The following PLCZ1 variants were observed in gnomAD, a reference collection of about 807,000 sequenced individuals.
PLCZ1 encodes the protein 1-phosphatidylinositol 4,5-bisphosphate phosphodiesterase zeta-1.
PLCZ1 carries 64 observed loss-of-function variants against 76.8 expected under a neutral mutation model. That is an observed-to-expected ratio of 0.83 (90% CI 0.68 to 1.03). The LOEUF (loss-of-function observed/expected upper bound fraction) is 1.03. Ranked by LOEUF, PLCZ1 falls within the 50% of genes least tolerant of loss-of-function variation. The pLI, the probability that PLCZ1 is intolerant of heterozygous loss-of-function variation, is 0.00. For synonymous variants in PLCZ1, 248 were observed against 230.8 expected, an observed-to-expected ratio of 1.07 and a Z score of -0.68; for missense variants, 751 against 713.7, an observed-to-expected ratio of 1.05 and a Z score of -0.60.
chr12:18,696,689 T>C (rs908463007), intron 10 of PLCZ1, among the ~76,000 whole-genome samples: 2 of 152,172 alleles, frequency 1.3e-5, no homozygotes, highest in East Asian at 1.9e-4. Flanking sequence ...CAGAATCATA[T>C]GGAAGTCACA....
downstream of PLCZ1, among the ~76,000 whole-genome samples, chr12:18,678,179 CTA>C (rs889173423): frequency 2.2e-4 from 33 of 152,168 alleles, no homozygotes; most frequent in African/African-American, 7.2e-4. Flanking sequence ...AGGAAGGCTT[CTA>C]TCACCTGATC....
the PLCZ1 span, among the ~76,000 whole-genome samples, chr12:18,669,656 T>TC: frequency 0.018 from 2,667 of 150,048 alleles, 42 homozygotes; most frequent in Middle Eastern, 0.055. Context: ...CTCTGGTGTC[T>TC]CTTCCTCTCT....
intron 10 of PLCZ1, among the ~76,000 whole-genome samples, chr12:18,699,383 C>T (rs986336450): frequency 2.6e-5 from 4 of 152,186 alleles, no homozygotes; most frequent in African/African-American, 9.7e-5. Flanking sequence ...TCAGAGGTAT[C>T]GTTTAGAAAT....
At chr12:18,694,175 C>T in intron 12 of PLCZ1, 2 of 670,774 alleles carry the variant, frequency 3.0e-6, no homozygotes, top group Non-Finnish European at 5.2e-6. Context: ...GGGGAGTTGC[C>T]CAGAGGAATC....
At chr12:18,683,042 G>A (rs1312692075), downstream of PLCZ1, 2 of 596,754 alleles carry the variant, frequency 3.4e-6, no homozygotes, top group Non-Finnish European at 3.0e-6. Flanking sequence ...CGCCATGCTG[G>A]GTTAGGACCC....
intron 6 of PLCZ1, among the ~76,000 whole-genome samples, chr12:18,710,079 A>G (rs979316793): frequency 6.6e-6 from 1 of 151,192 alleles, no homozygotes; most frequent in Non-Finnish European, 1.5e-5. Flanking sequence ...GCTTTTTTAC[A>G]TACAGGATTA....
Position 18,730,469 on chromosome 12 carries a change from T to G in PLCZ1, c.135+5752A>C, listed in dbSNP as rs74746848. 9.3e-3 allele frequency among the ~76,000 whole-genome samples: 1,420 copies of G among 152,254 alleles called. 24 individuals carry two copies. Among genetic ancestry groups the G allele is most frequent in the African/African-American group, 0.033 (1,368 of 41,564 alleles). ...AGTTTATCATGATTATCAGCCTTGT[T>G]TATATGTAATTTATGCTTCTAAAGT... On this transcript the variant is annotated intron_variant, in intron 3 of 14. Coordinates refer to ENST00000266505, the MANE Select transcript of PLCZ1 (RefSeq NM_033123.4).
At chr12:18,682,652 C>T (rs999381684), downstream of PLCZ1, among the ~76,000 whole-genome samples, 7 of 152,058 alleles carry the variant, frequency 4.6e-5, no homozygotes, top group East Asian at 5.8e-4. Context: ...TTTATAGATA[C>T]GGAGTCTGAA....
chr12:18,700,508 C>T (rs1248710456), intron 9 of PLCZ1, among the ~76,000 whole-genome samples: 1 of 7,820 alleles, frequency 1.3e-4, no homozygotes, highest in Non-Finnish European at 5.1e-4. Context: ...TCAGAGCCAA[C>T]GTACAAAAAA....
At chr12:18,732,210 G>T (rs759958515) in intron 3 of PLCZ1, among the ~76,000 whole-genome samples, 1 of 152,062 alleles carries the variant, frequency 6.6e-6, no homozygotes, top group African/African-American at 2.4e-5. Flanking sequence ...AGAGAGCAGC[G>T]GTGCCATCAC....
chr12:18,659,681 A>G, the PLCZ1 span, among the ~76,000 whole-genome samples: 1 of 48,588 alleles, frequency 2.1e-5, no homozygotes, highest in Non-Finnish European at 5.1e-5. Context: ...TTTTTTTTTT[A>G]CTATTATTAT....
At chr12:18,655,998 C>T in the PLCZ1 span, among the ~76,000 whole-genome samples, 8 of 152,124 alleles carry the variant, frequency 5.3e-5, no homozygotes, top group Non-Finnish European at 1.0e-4. Flanking sequence ...TTAAAGTGGA[C>T]TTTAGCTAAT....
chr12:18,700,054 T>A, intron 9 of PLCZ1, 104 bp from the exon 10 acceptor site: 1 of 974,184 alleles, frequency 1.0e-6, no homozygotes, highest in Non-Finnish European at 1.6e-6. Context: ...TTTTCATCTT[T>A]TCATAAGATT....
chr12:18,685,808 C>T (rs1430773506), intron 13 of PLCZ1: 9 of 342,264 alleles, frequency 2.6e-5, no homozygotes, highest in Admixed American at 9.0e-5. Flanking sequence ...TCCCTTCCAT[C>T]CTCCTCCTGT....
At chr12:18,720,529 T>C (rs1958378628) in intron 4 of PLCZ1, among the ~76,000 whole-genome samples, 1 of 151,650 alleles carries the variant, frequency 6.6e-6, no homozygotes, top group Non-Finnish European at 1.5e-5. Flanking sequence ...TAACTTGTTA[T>C]ATGATCTTGA....
the PLCZ1 span, among the ~76,000 whole-genome samples, chr12:18,673,499 G>A: frequency 4.6e-5 from 7 of 152,014 alleles, no homozygotes; most frequent in Non-Finnish European, 1.0e-4. Flanking sequence ...ATGAACAAAC[G>A]AACAAGGCTA....
chr12:18,684,418 A>G (rs1952787169), intron 13 of PLCZ1, 139 bp from the exon 14 acceptor site: 1 of 735,978 alleles, frequency 1.4e-6, no homozygotes, highest in African/African-American at 1.8e-5. Context: ...GGTTTTTAAT[A>G]TACTCAGTGT....
intron 12 of PLCZ1, chr12:18,694,004 C>T (rs901239806): frequency 4.2e-5 from 63 of 1,483,342 alleles, no homozygotes; most frequent in African/African-American, 3.6e-4. Context: ...CTTAAGAGAA[C>T]GTAGAATGAA....
chr12:18,683,506 A>T, intron 14 of PLCZ1, 182 bp from the exon 15 acceptor site: 1 of 1,495,608 alleles, frequency 6.7e-7, no homozygotes, highest in Non-Finnish European at 9.0e-7. Flanking sequence ...TTCTATTCTG[A>T]CTTCCTAACT....
Sources: gnomAD v4.1 joint callset for allele counts (sites outside exome capture counted in the v4.1 genomes callset) on GRCh38, gnomAD v4.1.1 for gene constraint, MANE v1.5 for transcripts, NCBI Gene and HGNC (gene_info 2026-07-23, HGNC 2026-07-21) for gene names.